Variants in LPP observed in about 807,000 individuals in gnomAD.
The protein encoded by LPP is LIM domain containing preferred translocation partner in lipoma, also known as lipoma-preferred partner.
In LPP, 38 loss-of-function variants were observed where a neutral mutation model predicts 60.4. The observed-to-expected ratio is 0.63, with a 90% CI of 0.49 to 0.83. LPP has a LOEUF of 0.83. LPP is among the 40% of genes least tolerant of loss of function. The probability of loss-of-function intolerance (pLI) is 0.00; values close to 1 mark genes in which losing one functional copy is unlikely to be tolerated. For synonymous variants in LPP, 328 were observed against 290.8 expected, an observed-to-expected ratio of 1.13 and a Z score of -1.30; for missense variants, 902 against 783.6, an observed-to-expected ratio of 1.15 and a Z score of -1.80.
At position 188,870,771 on chromosome 3, in the gene LPP, G is replaced by A. The variant is rs542668181; in HGVS notation, c.1590-1872G>A. On this transcript the variant is annotated intron_variant, in intron 10 of 11. Coordinates refer to ENST00000617246, the MANE Select transcript of LPP (RefSeq NM_001375462.1). Reference sequence around the variant, plus strand: ...ATTGCTATCGGAGGAACACTGTGGGGACTATGAGAACCACCTCCTGCCTCT... The same window carrying A: ...ATTGCTATCGGAGGAACACTGTGGGAACTATGAGAACCACCTCCTGCCTCT... 4.1e-3 allele frequency among the ~76,000 whole-genome samples: 622 copies of A among 152,300 alleles called. 6 individuals are homozygous for A. Among genetic ancestry groups the A allele is most frequent in the Non-Finnish European group, 6.0e-3 (405 of 68,032 alleles).
chr3:188,753,749 T>G (rs767778833), intron 8 of LPP, among the ~76,000 whole-genome samples: 4 of 152,084 alleles, frequency 2.6e-5, no homozygotes, highest in Admixed American at 1.3e-4. Context: ...ATTGATCCTT[T>G]TCTTGTTGCG....
At chr3:188,616,251 T>G (rs1246753016) in intron 7 of LPP, among the ~76,000 whole-genome samples, 1 of 152,128 alleles carries the variant, frequency 6.6e-6, no homozygotes, top group South Asian at 2.1e-4. Context: ...CCATCTTGAG[T>G]TAATTTTTGT....
intron 4 of LPP, among the ~76,000 whole-genome samples, chr3:188,466,841 A>ATATATATATATATATATATATAT (rs1560442091): frequency 1.4e-5 from 2 of 138,186 alleles, no homozygotes; most frequent in Non-Finnish European, 3.1e-5. Flanking sequence ...ATATATATAT[A>ATATATATATATATATATATATAT]TGCTGTGTAA....
intron 7 of LPP, among the ~76,000 whole-genome samples, chr3:188,640,536 T>TAAA (rs1420315434): frequency 2.1e-5 from 3 of 142,712 alleles, no homozygotes; most frequent in African/African-American, 8.0e-5. Context: ...ATAATAATAA[T>TAAA]AAAAGTTTGG....
intron 7 of LPP, among the ~76,000 whole-genome samples, chr3:188,642,180 C>T (rs887566112): frequency 2.0e-5 from 3 of 151,944 alleles, no homozygotes; most frequent in Non-Finnish European, 4.4e-5. Context: ...TTCAGAAAAC[C>T]AGTAGTCAAG....
In LPP at chr3:188,217,839, C is replaced by T. The variant is rs1323952894; in HGVS notation, c.-189-7566C>T. Among the ~76,000 whole-genome samples the T allele has an allele frequency of 6.6e-6, 1 of 152,178 alleles. No individual in the cohort carries two copies. Among genetic ancestry groups the T allele is most frequent in the Non-Finnish European group, 1.5e-5 (1 of 68,026 alleles). On this transcript the variant is annotated intron_variant, in intron 1 of 11. Coordinates refer to ENST00000617246, the MANE Select transcript of LPP (RefSeq NM_001375462.1). The surrounding 1 kb of genome is among the most constrained non-coding windows in gnomAD (Gnocchi z 4.0). ...TAACCTTGAGCTTTGGGCCAGTGCA[C>T]AGAGGATGGTGGCTTCCTGCCTTTG...
At chr3:188,650,503 C>G (rs1428173899) in intron 7 of LPP, among the ~76,000 whole-genome samples, 2 of 152,114 alleles carry the variant, frequency 1.3e-5, no homozygotes, top group African/African-American at 2.4e-5. Flanking sequence ...CCATCAGAGT[C>G]AAAGGTTGTG....
At chr3:188,631,826 A>G (rs1183841780) in intron 7 of LPP, among the ~76,000 whole-genome samples, 1 of 152,180 alleles carries the variant, frequency 6.6e-6, no homozygotes, top group Non-Finnish European at 1.5e-5. Context: ...CACACACCAT[A>G]GTGACTGCAG....
At chr3:188,362,699 G>A (rs1231143669) in intron 3 of LPP, among the ~76,000 whole-genome samples, 1 of 152,190 alleles carries the variant, frequency 6.6e-6, no homozygotes, top group East Asian at 1.9e-4. Context: ...ACTTCTATGT[G>A]TGTATAGTGC....
intron 3 of LPP, among the ~76,000 whole-genome samples, chr3:188,354,987 GTA>G (rs759939146): frequency 1.3e-5 from 2 of 151,748 alleles, no homozygotes; most frequent in Non-Finnish European, 2.9e-5. Context: ...AGAGACATAT[GTA>G]TATATATATA....
At chr3:188,674,050 A>G (rs1006519037) in intron 7 of LPP, among the ~76,000 whole-genome samples, 3 of 152,098 alleles carry the variant, frequency 2.0e-5, no homozygotes, top group African/African-American at 7.2e-5. Context: ...GGCATGTCAT[A>G]ACAAACACAA....
chr3:188,813,144 G>A (rs992288699), intron 9 of LPP, among the ~76,000 whole-genome samples: 1 of 152,040 alleles, frequency 6.6e-6, no homozygotes, highest in African/African-American at 2.4e-5. Flanking sequence ...TAGAATTTAC[G>A]AATCGAATTA....
rs1465652641 is a variant in LPP at position 188,587,852 on chromosome 3, G to A, written c.430-21309G>A. ...GGTTTAGGGAATAATTTACCTACTC[G>A]CTTTGTGTCCCCCAACCCTACTTTG... On this transcript the variant is annotated intron_variant, in intron 6 of 11. Transcript: ENST00000617246. Among the ~76,000 whole-genome samples, 9 of 152,236 alleles carry A rather than the reference G, an allele frequency of 5.9e-5. No homozygotes were observed. In the East Asian group the frequency reaches 7.7e-4, roughly 13 times the overall value.
Position 188,509,872 on chromosome 3 carries a change from T to TG in LPP, c.307-14792dup, listed in dbSNP as rs1320956627. On this transcript the variant is annotated intron_variant, in intron 5 of 11. Coordinates refer to ENST00000617246, the MANE Select transcript of LPP (RefSeq NM_001375462.1). ...CATGCCTGGCTAATTTTTTTTTTGT[T>TG]GTTTTTTTTTTTTTTTTTGCATCTT... Among the ~76,000 whole-genome samples the TG allele has an allele frequency of 4.6e-4, 23 of 50,016 alleles. No individual in the cohort carries two copies. In the East Asian group the frequency reaches 5.2e-3, roughly 11 times the overall value. The allele number at this position is 50,016 out of a possible 152,430, so 32.8% of individuals were successfully genotyped here.
chr3:188,412,198 G>T (rs1202040331), intron 4 of LPP, among the ~76,000 whole-genome samples: 1 of 151,936 alleles, frequency 6.6e-6, no homozygotes, highest in Non-Finnish European at 1.5e-5. Flanking sequence ...TGACATGCCA[G>T]TTCTCACTCT....
intron 8 of LPP, among the ~76,000 whole-genome samples, chr3:188,742,985 T>G (rs1438601430): frequency 6.6e-6 from 1 of 152,110 alleles, no homozygotes; most frequent in African/African-American, 2.4e-5. Flanking sequence ...CAGGTTAGGT[T>G]TCTTTAAAGG....
At chr3:188,843,004 T>C (rs1462803789) in intron 9 of LPP, among the ~76,000 whole-genome samples, 1 of 152,236 alleles carries the variant, frequency 6.6e-6, no homozygotes, top group Non-Finnish European at 1.5e-5. Context: ...ATCTGGATTC[T>C]TTCATTTTGT....
chr3:188,447,354 G>A (rs780306296), intron 4 of LPP, among the ~76,000 whole-genome samples: 1 of 152,172 alleles, frequency 6.6e-6, no homozygotes, highest in Admixed American at 6.5e-5. Flanking sequence ...GCTCACGCCT[G>A]TAATCCCAGC....
At chr3:188,495,483 T>C (rs1483797454) in intron 5 of LPP, among the ~76,000 whole-genome samples, 2 of 152,088 alleles carry the variant, frequency 1.3e-5, no homozygotes, top group African/African-American at 2.4e-5. Context: ...TATTTTTAAA[T>C]AGACAATAAC....
Sources: allele counts gnomAD v4.1 joint callset (sites outside exome capture counted in the v4.1 genomes callset), GRCh38; gene constraint gnomAD v4.1.1; non-coding constraint Gnocchi (gnomAD v3.1); transcripts MANE v1.5; gene names NCBI Gene and HGNC (gene_info 2026-07-23, HGNC 2026-07-21).